KLF12: variants seen among roughly 807,000 people sequenced by gnomAD.
KLF12 encodes the protein Krueppel-like factor 12.
Under a neutral mutation model 37.8 loss-of-function variants are expected in KLF12, and 9 were observed. The ratio of observed to expected loss-of-function variants is 0.24; its 90% confidence interval spans 0.14 to 0.42. The LOEUF (loss-of-function observed/expected upper bound fraction) is 0.42, where lower values mean the gene tolerates loss of function less well. KLF12 is among the 10% of genes least tolerant of loss of function. The probability of loss-of-function intolerance (pLI) is 1.00; values close to 1 mark genes in which losing one functional copy is unlikely to be tolerated. For missense variants in KLF12, 411 were observed against 516.0 expected, an observed-to-expected ratio of 0.80 and a Z score of 1.97; for synonymous variants, 208 against 202.1, an observed-to-expected ratio of 1.03 and a Z score of -0.25.
intron 7 of KLF12, among the ~76,000 whole-genome samples, chr13:73,711,450 C>T (rs1228829127): frequency 6.6e-6 from 1 of 152,186 alleles, no homozygotes; most frequent in Non-Finnish European, 1.5e-5. Context: ...TAACCTTCAG[C>T]TGAAGCCAAG....
intron 2 of KLF12, among the ~76,000 whole-genome samples, chr13:73,991,771 A>C (rs759685934): frequency 1.3e-5 from 2 of 152,250 alleles, no homozygotes; most frequent in Non-Finnish European, 2.9e-5. Flanking sequence ...CATTAATTGC[A>C]GCTTTTGGAG....
chr13:74,230,335 C>A, the KLF12 span, among the ~76,000 whole-genome samples: 1 of 152,186 alleles, frequency 6.6e-6, no homozygotes, highest in Non-Finnish European at 1.5e-5. Flanking sequence ...GTCAGTTAAA[C>A]CTCTTTCCTT....
chr13:74,277,869 A>G, the KLF12 span, among the ~76,000 whole-genome samples: 2 of 152,164 alleles, frequency 1.3e-5, no homozygotes, highest in Non-Finnish European at 2.9e-5. Flanking sequence ...GCCTGAGCCC[A>G]AAGGATGGAG....
intron 1 of KLF12, among the ~76,000 whole-genome samples, chr13:74,059,324 G>A (rs1409688033): frequency 6.6e-6 from 1 of 152,160 alleles, no homozygotes; most frequent in Admixed American, 6.5e-5. Flanking sequence ...TGGGTTGAAT[G>A]GCAATTCTAT....
At chr13:74,295,730 A>G in the KLF12 span, among the ~76,000 whole-genome samples, 2 of 152,226 alleles carry the variant, frequency 1.3e-5, no homozygotes, top group Non-Finnish European at 2.9e-5. Context: ...AATGATATAT[A>G]GAGAAAAATA....
chr13:74,043,430 A>G (rs547514351), intron 1 of KLF12, among the ~76,000 whole-genome samples: 1 of 152,362 alleles, frequency 6.6e-6, no homozygotes, highest in African/African-American at 2.4e-5. Context: ...ACAAACATGT[A>G]ACAGGCCCCA....
chr13:74,004,320 G>A lies in KLF12; in HGVS notation c.-31-9267C>T, dbSNP rs557938220. On this transcript the variant is annotated intron_variant, in intron 1 of 7. Transcript: ENST00000377669. ...ATGAATTTACTATGTGCTAGCAACT[G>A]TTCTAACTACTCTATTGTCTATTAA... is the stretch of plus-strand genomic sequence containing the variant. 3.3e-5 allele frequency among the ~76,000 whole-genome samples: 5 copies of A among 152,260 alleles called. 1 individual carries two copies. The highest frequency in any genetic ancestry group is 1.2e-4 in the African/African-American group (5 of 41,558).
intron 1 of KLF12, among the ~76,000 whole-genome samples, chr13:74,014,537 T>C (rs931081378): frequency 1.3e-5 from 2 of 152,208 alleles, no homozygotes; most frequent in South Asian, 4.1e-4. Context: ...ACTATTGATA[T>C]AGGAAATATG....
intron 5 of KLF12, among the ~76,000 whole-genome samples, chr13:73,797,179 T>C (rs149301042): frequency 2.6e-5 from 4 of 152,304 alleles, no homozygotes; most frequent in African/African-American, 7.2e-5. Context: ...TAAAATAACC[T>C]CAGGGATCGT....
the KLF12 span, among the ~76,000 whole-genome samples, chr13:74,165,868 T>C: frequency 2.6e-5 from 4 of 152,146 alleles, no homozygotes; most frequent in African/African-American, 9.7e-5. Flanking sequence ...TATGTTAGGA[T>C]CCCACATTGC....
intron 3 of KLF12, among the ~76,000 whole-genome samples, chr13:73,878,430 G>C (rs968406626): frequency 4.6e-5 from 7 of 152,000 alleles, no homozygotes; most frequent in African/African-American, 1.5e-4. Flanking sequence ...GTTCCAGGTA[G>C]GCAAAACTAA....
chr13:73,858,310 A>G (rs1885716787), intron 3 of KLF12, among the ~76,000 whole-genome samples: 1 of 152,214 alleles, frequency 6.6e-6, no homozygotes, highest in South Asian at 2.1e-4. Flanking sequence ...TGTCACTAGT[A>G]TAAGTTTTAG....
intron 1 of KLF12, among the ~76,000 whole-genome samples, chr13:74,014,125 C>T (rs931883811): frequency 1.3e-5 from 2 of 152,228 alleles, no homozygotes; most frequent in African/African-American, 4.8e-5. Flanking sequence ...AAGATTCTTC[C>T]ACAATTTGGA....
At chr13:73,848,388 T>G (rs761240188) in intron 3 of KLF12, among the ~76,000 whole-genome samples, 4 of 152,052 alleles carry the variant, frequency 2.6e-5, no homozygotes, top group Admixed American at 2.6e-4. Context: ...TGCAGACTGC[T>G]TAGTCTTCTC....
intron 1 of KLF12, among the ~76,000 whole-genome samples, chr13:74,045,661 C>T (rs372282307): frequency 4.6e-5 from 7 of 152,186 alleles, no homozygotes; most frequent in African/African-American, 2.4e-5. Flanking sequence ...CCAGCCCAAG[C>T]CACTGTCTGT....
intron 2 of KLF12, among the ~76,000 whole-genome samples, chr13:73,945,386 T>C (rs10219785): frequency 4.6e-5 from 7 of 152,222 alleles, no homozygotes; most frequent in African/African-American, 1.7e-4. Context: ...AGAGAATTAC[T>C]TGAACCTTGG....
intron 5 of KLF12, among the ~76,000 whole-genome samples, chr13:73,784,631 CTTTTTTTTTT>C (rs555038538): frequency 1.5e-5 from 2 of 136,840 alleles, no homozygotes; most frequent in East Asian, 4.1e-4. Flanking sequence ...TCCTCATCTC[CTTTTTTTTTT>C]TTTTTTTGAG....
At chr13:73,722,283 A>T (rs1475565572) in intron 6 of KLF12, among the ~76,000 whole-genome samples, 1 of 152,218 alleles carries the variant, frequency 6.6e-6, no homozygotes, top group Non-Finnish European at 1.5e-5. Flanking sequence ...CAGGATTTAC[A>T]TAAATCTCAG....
At chr13:74,278,257 G>A in the KLF12 span, among the ~76,000 whole-genome samples, 1 of 152,184 alleles carries the variant, frequency 6.6e-6, no homozygotes, top group Admixed American at 6.5e-5. Context: ...ACAGCTGCCA[G>A]TTTATCTCTG....
Sources: allele counts gnomAD v4.1 joint callset (sites outside exome capture counted in the v4.1 genomes callset), GRCh38; gene constraint gnomAD v4.1.1; transcripts MANE v1.5; gene names NCBI Gene and HGNC (gene_info 2026-07-23, HGNC 2026-07-21).